Variants in WWOX observed in about 807,000 individuals in gnomAD.
The protein encoded by WWOX is WW domain-containing oxidoreductase.
A neutral mutation model predicts 46.2 loss-of-function variants in WWOX; 69 were observed. The ratio of observed to expected loss-of-function variants is 1.49; its 90% CI spans 1.23 to 1.82. The LOEUF is 1.82. Ranked by LOEUF, WWOX falls within the 40% of genes most tolerant of loss-of-function variation. The pLI is 0.00. For synonymous variants in WWOX, 359 were observed against 202.6 expected, an observed-to-expected ratio of 1.77 and a Z score of -6.56; for missense variants, 919 against 542.6, an observed-to-expected ratio of 1.69 and a Z score of -6.89.
At chr16:78,176,973 C>G (rs2035369579) in intron 5 of WWOX, among the ~76,000 whole-genome samples, 1 of 152,178 alleles carries the variant, frequency 6.6e-6, no homozygotes, top group Non-Finnish European at 1.5e-5. Context: ...CCTGCAGCAT[C>G]AGTGTCACTT....
intron 8 of WWOX, among the ~76,000 whole-genome samples, chr16:78,871,415 G>A (rs955063957): frequency 6.6e-6 from 1 of 152,140 alleles, no homozygotes; most frequent in African/African-American, 2.4e-5. Context: ...ATAACTGAAT[G>A]GTTGGCACAG....
chr16:78,508,290 C>CG (rs1567612884), intron 8 of WWOX, among the ~76,000 whole-genome samples: 1 of 143,150 alleles, frequency 7.0e-6, no homozygotes, highest in African/African-American at 2.7e-5. Flanking sequence ...GGATTATAGG[C>CG]GTGAGCCACT....
chr16:79,180,694 C>T (rs930411494), intron 8 of WWOX, among the ~76,000 whole-genome samples: 1 of 152,114 alleles, frequency 6.6e-6, no homozygotes, highest in Non-Finnish European at 1.5e-5. Context: ...CCCTCCCTCC[C>T]TCCATTTCTT....
At chr16:78,617,846 C>G (rs2046066242) in intron 8 of WWOX, among the ~76,000 whole-genome samples, 1 of 152,184 alleles carries the variant, frequency 6.6e-6, no homozygotes, top group African/African-American at 2.4e-5. Flanking sequence ...AGGTGTCTTG[C>G]TATATTTTGA....
chr16:78,530,526 C>T (rs538270532), intron 8 of WWOX, among the ~76,000 whole-genome samples: 125 of 152,194 alleles, frequency 8.2e-4, no homozygotes, highest in Non-Finnish European at 1.5e-3. Context: ...TTTCCAGCTG[C>T]TTCTCCTCTT....
intron 8 of WWOX, among the ~76,000 whole-genome samples, chr16:78,476,034 CTG>C (rs2084341344): frequency 6.6e-6 from 1 of 152,182 alleles, no homozygotes; most frequent in African/African-American, 2.4e-5. Flanking sequence ...CATGCTTCCT[CTG>C]TAAAATGATC....
intron 8 of WWOX, among the ~76,000 whole-genome samples, chr16:78,605,597 C>T (rs896769689): frequency 1.3e-5 from 2 of 152,170 alleles, no homozygotes; most frequent in Admixed American, 1.3e-4. Context: ...CTTTCTAGAG[C>T]AACCTAATTA....
chr16:78,776,662 T>G (rs181242432), intron 8 of WWOX, among the ~76,000 whole-genome samples: 386 of 152,166 alleles, frequency 2.5e-3, no homozygotes, highest in Admixed American at 8.1e-3. Flanking sequence ...ATTGGGAAAT[T>G]TATAAAGAAA....
intron 8 of WWOX, among the ~76,000 whole-genome samples, chr16:78,794,246 A>T (rs2050681381): frequency 6.6e-6 from 1 of 152,234 alleles, no homozygotes; most frequent in African/African-American, 2.4e-5. Context: ...GACTCTGGCC[A>T]GACATTGAAT....
chr16:78,410,391 G>T (rs1253696714), intron 6 of WWOX, among the ~76,000 whole-genome samples: 1 of 152,130 alleles, frequency 6.6e-6, no homozygotes, highest in Non-Finnish European at 1.5e-5. Flanking sequence ...TGGCTGTGGG[G>T]GTTAGGATGT....
intron 8 of WWOX, among the ~76,000 whole-genome samples, chr16:79,025,499 T>C (rs1376542951): frequency 6.6e-6 from 1 of 152,060 alleles, no homozygotes; most frequent in Non-Finnish European, 1.5e-5. Context: ...AGGTAGAGAC[T>C]GAGATCGGAG....
At chr16:78,921,220 T>G (rs1161935299) in intron 8 of WWOX, among the ~76,000 whole-genome samples, 1 of 152,160 alleles carries the variant, frequency 6.6e-6, no homozygotes. Flanking sequence ...CAGAGCTGTT[T>G]GAAAAGACAT....
Position 79,181,247 on chromosome 16 carries a change from C to A in WWOX, c.1057-30361C>A, listed in dbSNP as rs74036975. On this transcript the variant is annotated intron_variant, in intron 8 of 8. Coordinates refer to ENST00000566780, the MANE Select transcript of WWOX (RefSeq NM_016373.4). ...ACTTGCTTTATTTGGTCAAGACATA[C>A]GGAACACGTATAGATCAAACAAAAA... 5.4e-3 allele frequency among the ~76,000 whole-genome samples: 827 copies of A among 152,186 alleles called. 5 individuals carry two copies. Among genetic ancestry groups the A allele is most frequent in the African/African-American group, 0.019 (777 of 41,474 alleles).
chr16:78,554,547 A>C (rs1597257610), intron 8 of WWOX, among the ~76,000 whole-genome samples: 1 of 152,204 alleles, frequency 6.6e-6, no homozygotes, highest in African/African-American at 2.4e-5. Flanking sequence ...ACCTTGATAT[A>C]TGTACATATA....
chr16:78,544,416 T>C (rs575391605), intron 8 of WWOX, among the ~76,000 whole-genome samples: 15 of 152,334 alleles, frequency 9.8e-5, no homozygotes, highest in African/African-American at 1.4e-4. Context: ...TATCTTCATC[T>C]TATTAAGTAG....
chr16:78,633,517 G>C (rs946329160), intron 8 of WWOX, among the ~76,000 whole-genome samples: 1 of 152,176 alleles, frequency 6.6e-6, no homozygotes, highest in Non-Finnish European at 1.5e-5. Flanking sequence ...GTGTTCTCTA[G>C]CTAACGCATG....
intron 8 of WWOX, among the ~76,000 whole-genome samples, chr16:79,086,154 G>C (rs536935529): frequency 6.6e-6 from 1 of 152,200 alleles, no homozygotes; most frequent in Non-Finnish European, 1.5e-5. Context: ...TCTTTAAACG[G>C]ATCACATTGC....
At chr16:78,227,400 G>A (rs2037099970) in intron 5 of WWOX, among the ~76,000 whole-genome samples, 2 of 152,108 alleles carry the variant, frequency 1.3e-5, no homozygotes, top group African/African-American at 4.8e-5. Flanking sequence ...GGAACACATG[G>A]GGACCGAGGG....
At chr16:78,570,642 A>T (rs760714021) in intron 8 of WWOX, among the ~76,000 whole-genome samples, 5 of 152,168 alleles carry the variant, frequency 3.3e-5, no homozygotes, top group African/African-American at 7.2e-5. Context: ...GCTTCCTACT[A>T]GAAGCCAGGC....
Sources: allele counts gnomAD v4.1 joint callset (sites outside exome capture counted in the v4.1 genomes callset), GRCh38; gene constraint gnomAD v4.1.1; transcripts MANE v1.5; gene names NCBI Gene and HGNC (gene_info 2026-07-23, HGNC 2026-07-21).